WDR64: variants seen among roughly 807,000 people sequenced by gnomAD.
WDR64 encodes WD repeat-containing protein 64.
A neutral mutation model predicts 139.3 loss-of-function variants in WDR64; 112 were observed. That is an observed-to-expected ratio of 0.80 (90% CI 0.69 to 0.94). The LOEUF (loss-of-function observed/expected upper bound fraction) is 0.94. Among genes scored for constraint, WDR64 ranks in the 40% least tolerant of loss-of-function variants. The pLI, the probability that WDR64 is intolerant of heterozygous loss-of-function variation, is 0.00. For synonymous variants in WDR64, 444 were observed against 437.7 expected (o/e 1.01, Z -0.18); for missense variants, 1,206 against 1,293.1 (o/e 0.93, Z 1.03).
In WDR64 at chr1:241,787,836, T is replaced by C. The variant is rs2148325122; in HGVS notation, c.2706-13T>C. On this transcript the variant is annotated splice_polypyrimidine_tract_variant and intron_variant, in intron 23 of 27. Coordinates refer to ENST00000437684, the MANE Select transcript of WDR64 (RefSeq NM_001367482.1). The stretch of plus-strand genomic sequence containing the variant: ...CCAGTTACTTTTTCCTCCCTTCCTT[T>C]TCCTTCCCTCAGGCTCTGGCATGCC... 3 of 1,557,082 alleles carry C rather than the reference T, an allele frequency of 1.9e-6. No individual in the cohort carries two copies. The South Asian group carries it at 3.7e-5, about 19-fold the overall frequency.
At chr1:241,783,716 G>C (rs1343752121) in intron 23 of WDR64, among the ~76,000 whole-genome samples, 1 of 152,200 alleles carries the variant, frequency 6.6e-6, no homozygotes, top group Non-Finnish European at 1.5e-5. Context: ...GGGGGGCTCA[G>C]AATCAGAAGT....
chr1:241,675,258 C>T (rs61825778), intron 4 of WDR64, among the ~76,000 whole-genome samples: 59,580 of 99,464 alleles, frequency 0.6, 18,652 homozygotes, highest in Non-Finnish European at 0.68. Context: ...CTTCCTTCCT[C>T]CCTCCCTTCC....
chr1:241,788,472 T>C (rs894048549), intron 24 of WDR64, among the ~76,000 whole-genome samples: 1 of 152,194 alleles, frequency 6.6e-6, no homozygotes, highest in Admixed American at 6.5e-5. Flanking sequence ...AGATGGTGAA[T>C]GTCAAAATGT....
intron 21 of WDR64, among the ~76,000 whole-genome samples, chr1:241,779,349 G>A (rs1658766638): frequency 6.6e-6 from 1 of 151,952 alleles, no homozygotes; most frequent in Admixed American, 6.6e-5. Flanking sequence ...AGTCATTGTT[G>A]CTCTTTGATA....
At position 241,750,144 on chromosome 1, in the gene WDR64, CTTTG is replaced by C. The variant is rs930033116; in HGVS notation, c.1770+426_1770+429del. Among the ~76,000 whole-genome samples, 20 of 152,284 alleles carry C rather than the reference CTTTG, an allele frequency of 1.3e-4. 1 individual carries two copies. The highest frequency in any genetic ancestry group is 3.9e-4 in the East Asian group (2 of 5,178). On this transcript the variant is annotated intron_variant, in intron 14 of 27. Transcript: ENST00000437684. Reference sequence around the variant, plus strand: ...CTTTTCCAGTTTGTCACCAAAATCGCTTTGTTTATTTTAAGGTTAATGACGCAAT... The same window carrying C: ...CTTTTCCAGTTTGTCACCAAAATCGCTTTATTTTAAGGTTAATGACGCAAT...
chr1:241,737,496 A>T (rs1282067281), intron 10 of WDR64, among the ~76,000 whole-genome samples: 2 of 152,198 alleles, frequency 1.3e-5, no homozygotes, highest in African/African-American at 4.8e-5. Flanking sequence ...CTCCAAATTA[A>T]TAGGTTAATA....
chr1:241,654,905 C>G (rs1291112793), intron 1 of WDR64, among the ~76,000 whole-genome samples: 1 of 152,132 alleles, frequency 6.6e-6, no homozygotes, highest in African/African-American at 2.4e-5. Context: ...TGTGTTTAAA[C>G]TTGTGTCCTA....
At chr1:241,735,295 C>T (rs1178076241) in intron 10 of WDR64, among the ~76,000 whole-genome samples, 1 of 152,150 alleles carries the variant, frequency 6.6e-6, no homozygotes, top group Non-Finnish European at 1.5e-5. Context: ...TATTATTTGT[C>T]TAACTTGGCC....
intron 24 of WDR64, among the ~76,000 whole-genome samples, chr1:241,788,432 G>A (rs935477396): frequency 2.6e-5 from 4 of 152,154 alleles, no homozygotes; most frequent in African/African-American, 4.8e-5. Flanking sequence ...CAGTACTCTT[G>A]AGTTTTCAAT....
intron 11 of WDR64, among the ~76,000 whole-genome samples, chr1:241,739,337 T>A (rs1211986328): frequency 6.6e-6 from 1 of 152,300 alleles, no homozygotes; most frequent in East Asian, 1.9e-4. Context: ...CTAAGCATTT[T>A]CCCACTGGCC....
chr1:241,695,696 A>G (rs960994984), intron 8 of WDR64, among the ~76,000 whole-genome samples: 2 of 152,212 alleles, frequency 1.3e-5, no homozygotes, highest in Non-Finnish European at 2.9e-5. Flanking sequence ...AACAGCCACA[A>G]TAAACATACC....
chr1:241,788,122 G>C, intron 24 of WDR64, 88 bp downstream of exon 24: 2 of 1,216,808 alleles, frequency 1.6e-6, no homozygotes, highest in Middle Eastern at 2.9e-4. Flanking sequence ...GAGAATTCAA[G>C]GCAAGAGGTC....
At chr1:241,696,113 CAAAA>C (rs541301982) in intron 8 of WDR64, among the ~76,000 whole-genome samples, 611 of 22,188 alleles carry the variant, frequency 0.028, 3 homozygotes, top group East Asian at 0.18. Context: ...GACCCAGTAT[CAAAA>C]AAAAAAAAAA....
intron 4 of WDR64, among the ~76,000 whole-genome samples, chr1:241,675,034 T>C: frequency 3.6e-5 from 1 of 27,742 alleles, no homozygotes; most frequent in Non-Finnish European, 9.2e-5. Context: ...CTTCCCTCCC[T>C]CCTTCTTCTT....
Position 241,749,676 on chromosome 1 carries a change from A to T in WDR64, c.1724A>T (p.Gln575Leu). The T allele has an allele frequency of 6.2e-7, 1 of 1,614,126 alleles. No homozygotes were observed. The highest frequency in any genetic ancestry group is 8.5e-7 in the Non-Finnish European group (1 of 1,180,010). ...CTCAAAGCCCAAGAAAAACACCAGC[A>T]GCTGGTCCTGGCCTTGGAGCGCAAC... ...IFLKAQEKHQ[Q>L]LVLALERNGT... is the part of the protein sequence containing the mutation. The change falls in exon 14 of 28, where the codon CAG becomes CTG. Residue 575 changes from glutamine (Q) to leucine (L), a missense_variant. Gln to Leu is a moderately radical substitution (Grantham distance 113). Transcript: ENST00000437684.
At chr1:241,795,325 C>T (rs751885375) in intron 26 of WDR64, 38 bp downstream of exon 26, 1 of 1,559,620 alleles carries the variant, frequency 6.4e-7, no homozygotes, top group Non-Finnish European at 8.8e-7. Context: ...GGTCACAGAA[C>T]AGTAGAGAAT....
chr1:241,739,902 A>G (rs1669467441), intron 11 of WDR64, among the ~76,000 whole-genome samples: 1 of 152,212 alleles, frequency 6.6e-6, no homozygotes, highest in South Asian at 2.1e-4. Flanking sequence ...AGCAACCATC[A>G]GTCCTCTAAA....
chr1:241,736,694 G>T (rs1046290248), intron 10 of WDR64, among the ~76,000 whole-genome samples: 1 of 152,136 alleles, frequency 6.6e-6, no homozygotes, highest in Non-Finnish European at 1.5e-5. Context: ...AAGACCCGAA[G>T]AACTGCACAA....
chr1:241,779,990 T>C lies in WDR64; in HGVS notation c.2537-14T>C. 6.3e-7 allele frequency: 1 copy of C among 1,581,074 alleles called. No individual in the cohort carries two copies. Among genetic ancestry groups the C allele is most frequent in the Non-Finnish European group, 8.6e-7 (1 of 1,167,900 alleles). ...ATATCTAATTAAAGATTCCAATGTT[T>C]AAATTTTATACAGAAGGACATGTTA... On this transcript the variant is annotated splice_polypyrimidine_tract_variant and intron_variant, in intron 21 of 27. Coordinates refer to ENST00000437684, the MANE Select transcript of WDR64 (RefSeq NM_001367482.1).
Sources: allele counts gnomAD v4.1 joint callset (sites outside exome capture counted in the v4.1 genomes callset), GRCh38; gene constraint gnomAD v4.1.1; transcripts MANE v1.5; gene names NCBI Gene and HGNC (gene_info 2026-07-23, HGNC 2026-07-21).